The following PTPRN2 variants were observed in gnomAD, a reference collection of about 807,000 sequenced individuals.
The protein encoded by PTPRN2 is receptor-type tyrosine-protein phosphatase N2.
A neutral mutation model predicts 118.8 loss-of-function variants in PTPRN2; 74 were observed. The ratio of observed to expected loss-of-function variants is 0.62; its 90% CI spans 0.52 to 0.76. The LOEUF is 0.76. PTPRN2 is among the 30% of genes least tolerant of loss of function. The probability of loss-of-function intolerance (pLI) is 0.00; values close to 1 mark genes in which losing one functional copy is unlikely to be tolerated. For synonymous variants in PTPRN2, 641 were observed against 608.0 expected (o/e 1.05, Z -0.80); for missense variants, 1,481 against 1,394.4 (o/e 1.06, Z -0.99).
intron 13 of PTPRN2, among the ~76,000 whole-genome samples, chr7:157,657,308 CA>C (rs1563312442): frequency 2.0e-4 from 25 of 127,584 alleles, no homozygotes; most frequent in Non-Finnish European, 3.3e-4. Flanking sequence ...TATACACACA[CA>C]CACCACACAC....
intron 9 of PTPRN2, among the ~76,000 whole-genome samples, chr7:158,120,932 T>A (rs1249743629): frequency 1.3e-5 from 2 of 152,194 alleles, no homozygotes; most frequent in African/African-American, 4.8e-5. Flanking sequence ...CCACCCCGGC[T>A]GAGACCAGCC....
chr7:158,327,932 C>T (rs1803787672), intron 2 of PTPRN2, among the ~76,000 whole-genome samples: 1 of 152,136 alleles, frequency 6.6e-6, no homozygotes, highest in Non-Finnish European at 1.5e-5. Flanking sequence ...ATCAGGGTCC[C>T]CAGGGGTGCA....
In PTPRN2 at chr7:158,193,444, C is replaced by T. The variant is rs183230443; in HGVS notation, c.381-949G>A. Among the ~76,000 whole-genome samples, 280 of 152,280 alleles carry T rather than the reference C, an allele frequency of 1.8e-3. 2 individuals carry two copies. The highest frequency in any genetic ancestry group is 6.1e-3 in the African/African-American group (252 of 41,568). On this transcript the variant is annotated intron_variant, in intron 4 of 22. Transcript: ENST00000389418. ...AACCAGGGAGATTCACTGGAAAAGTCGCGGTAACGCCCAACAGGCCCCGGA... is the reference window on the plus strand; with the variant it reads ...AACCAGGGAGATTCACTGGAAAAGTTGCGGTAACGCCCAACAGGCCCCGGA...
intron 11 of PTPRN2, among the ~76,000 whole-genome samples, chr7:157,998,831 A>AC (rs1361230786): frequency 6.6e-6 from 1 of 151,912 alleles, no homozygotes; most frequent in African/African-American, 2.4e-5. Flanking sequence ...AAAAAAAAAA[A>AC]AAAAAACTCT....
Position 157,539,175 on chromosome 7 carries a change from A to G in PTPRN2, c.*1539T>C, listed in dbSNP as rs141369473. 1 of 152,266 alleles carries G rather than the reference A, an allele frequency of 6.6e-6. No individual in the cohort carries two copies. The highest frequency in any genetic ancestry group is 2.1e-4 in the South Asian group (1 of 4,834). The allele number at this position is 152,266 out of a possible 1,614,324, so 9.4% of individuals were successfully genotyped here. On this transcript the variant is annotated 3_prime_UTR_variant, in exon 23 of 23. Transcript: ENST00000389418. ...GTAGGCATATGCTTCCTATATTCAGATAAATTCATTTCGATTAATTAAATT... is the reference window on the plus strand; with the variant it reads ...GTAGGCATATGCTTCCTATATTCAGGTAAATTCATTTCGATTAATTAAATT...
At chr7:158,026,659 C>T (rs1259425765) in intron 11 of PTPRN2, among the ~76,000 whole-genome samples, 4 of 152,136 alleles carry the variant, frequency 2.6e-5, no homozygotes, top group Non-Finnish European at 5.9e-5. Context: ...TGCAGTGGGC[C>T]TGGCTGTGGG....
At position 158,125,142 on chromosome 7, in the gene PTPRN2, C is replaced by G. The variant is rs970479106; in HGVS notation, c.1556+8535G>C. Among the ~76,000 whole-genome samples the G allele has an allele frequency of 3.9e-5, 6 of 152,138 alleles. No homozygotes were observed. In the South Asian group the frequency reaches 1.2e-3, roughly 31 times the overall value. On this transcript the variant is annotated intron_variant, in intron 9 of 22. Coordinates refer to ENST00000389418, the MANE Select transcript of PTPRN2 (RefSeq NM_002847.5). ...GGCTCAGGCCCAACCATGGCCACCC[C>G]CCTGCCTCAAGTGCCTCCCACGGCC...
At chr7:158,011,704 C>T (rs75522178) in intron 11 of PTPRN2, among the ~76,000 whole-genome samples, 1 of 152,246 alleles carries the variant, frequency 6.6e-6, no homozygotes, top group East Asian at 1.9e-4. Flanking sequence ...AACTAATAAT[C>T]GGGGACAAGG....
At chr7:157,744,248 T>TG (rs1368591756) in intron 12 of PTPRN2, among the ~76,000 whole-genome samples, 1 of 152,142 alleles carries the variant, frequency 6.6e-6, no homozygotes, top group African/African-American at 2.4e-5. Flanking sequence ...TGGGGTGGGC[T>TG]GGGGGTCAGC....
intron 9 of PTPRN2, among the ~76,000 whole-genome samples, chr7:158,127,821 T>A (rs1817824874): frequency 6.6e-6 from 1 of 152,222 alleles, no homozygotes; most frequent in African/African-American, 2.4e-5. Flanking sequence ...GTCCTGTGAT[T>A]CCTTCTGGAA....
chr7:157,957,346 G>A (rs1202149313), intron 11 of PTPRN2, among the ~76,000 whole-genome samples: 1 of 152,152 alleles, frequency 6.6e-6, no homozygotes, highest in Non-Finnish European at 1.5e-5. Flanking sequence ...AATCCCTGGG[G>A]GGGTGAATTC....
chr7:158,021,005 C>T (rs1437245985), intron 11 of PTPRN2, among the ~76,000 whole-genome samples: 2 of 152,170 alleles, frequency 1.3e-5, no homozygotes, highest in Non-Finnish European at 2.9e-5. Context: ...CTCTACCACC[C>T]TAAAAATAAT....
intron 12 of PTPRN2, among the ~76,000 whole-genome samples, chr7:157,746,502 A>G (rs1287792119): frequency 7.5e-6 from 1 of 134,116 alleles, no homozygotes; most frequent in Non-Finnish European, 1.5e-5. Context: ...GACTCCCTGC[A>G]CCCCACAGTC....
intron 6 of PTPRN2, among the ~76,000 whole-genome samples, chr7:158,153,391 C>T (rs750598888): frequency 6.6e-6 from 1 of 152,290 alleles, no homozygotes; most frequent in East Asian, 1.9e-4. Context: ...CACCTATAGA[C>T]GGCAAAATTA....
At position 157,548,905 on chromosome 7, in the gene PTPRN2, C is replaced by A. The variant is rs202159229; in HGVS notation, c.2976+41G>T. 12 of 1,589,676 alleles carry A rather than the reference C, an allele frequency of 7.5e-6. No homozygotes were observed. In the Admixed American group the frequency reaches 1.8e-4, roughly 24 times the overall value. ...TCAGGAACACGGCCGCAGAGAGGCACCTTGAATGGGTCTGCGTCCCGGAGG... is the reference window on the plus strand; with the variant it reads ...TCAGGAACACGGCCGCAGAGAGGCAACTTGAATGGGTCTGCGTCCCGGAGG... On this transcript the variant is annotated intron_variant, in intron 22 of 22. Coordinates refer to ENST00000389418, the MANE Select transcript of PTPRN2 (RefSeq NM_002847.5).
intron 2 of PTPRN2, among the ~76,000 whole-genome samples, chr7:158,476,217 T>C (rs558320578): frequency 6.6e-6 from 1 of 152,330 alleles, no homozygotes; most frequent in Admixed American, 6.5e-5. Context: ...GTTGCCAGGC[T>C]GGTCTTGAAC....
In PTPRN2 at chr7:158,205,170, C is replaced by A. The variant is rs1827024232; in HGVS notation, c.380+1G>T. On this transcript the variant is annotated splice_donor_variant, in intron 4 of 22. Coordinates refer to ENST00000389418, the MANE Select transcript of PTPRN2 (RefSeq NM_002847.5). LOFTEE classifies it high-confidence loss of function. ...GAGCAACAAGCCACGTCCACACTTA[C>A]CTGGCTGGGCTGGATGCTTCAGGAC... The A allele has an allele frequency of 6.2e-7, 1 of 1,612,368 alleles. No individual in the cohort carries two copies. The highest frequency in any genetic ancestry group is 8.5e-7 in the Non-Finnish European group (1 of 1,178,366).
intron 2 of PTPRN2, among the ~76,000 whole-genome samples, chr7:158,457,481 G>A (rs573085054): frequency 3.3e-5 from 5 of 151,788 alleles, no homozygotes; most frequent in Admixed American, 2.6e-4. Flanking sequence ...GTCAGCACAC[G>A]GTGAGGGGCG....
Position 157,588,426 on chromosome 7 carries a change from C to G in PTPRN2, c.2496+6812G>C, listed in dbSNP as rs141668991. Among the ~76,000 whole-genome samples the G allele has an allele frequency of 8.7e-3, 1,321 of 152,294 alleles. 9 individuals are homozygous for G. Among genetic ancestry groups the G allele is most frequent in the Non-Finnish European group, 0.015 (1,041 of 68,022 alleles). ...CTCCCCGGCAGTCCTAATCTTACAGCTACAGTCCTGCCCGCAGGGGCTTCT... is the reference window on the plus strand; with the variant it reads ...CTCCCCGGCAGTCCTAATCTTACAGGTACAGTCCTGCCCGCAGGGGCTTCT... On this transcript the variant is annotated intron_variant, in intron 17 of 22. Transcript: ENST00000389418.
Sources: gnomAD v4.1 joint callset for allele counts (sites outside exome capture counted in the v4.1 genomes callset) on GRCh38, gnomAD v4.1.1 for gene constraint, MANE v1.5 for transcripts, NCBI Gene and HGNC (gene_info 2026-07-23, HGNC 2026-07-21) for gene names.